The following TMPRSS11A variants were observed in gnomAD, a reference collection of about 807,000 sequenced individuals.
TMPRSS11A encodes the protein transmembrane serine protease 11A, also known as transmembrane protease serine 11A.
TMPRSS11A carries 53 observed loss-of-function variants against 58.9 expected under a neutral mutation model. The ratio of observed to expected loss-of-function variants is 0.90; its 90% CI spans 0.72 to 1.13. TMPRSS11A has a LOEUF of 1.13. Ranked by LOEUF, TMPRSS11A falls within the 50% of genes most tolerant of loss-of-function variation. The pLI is 0.00. For synonymous variants in TMPRSS11A, 167 were observed against 169.8 expected, an observed-to-expected ratio of 0.98 and a Z score of 0.13; for missense variants, 493 against 499.3, an observed-to-expected ratio of 0.99 and a Z score of 0.12.
Position 67,948,453 on chromosome 4 carries a change from CG to C in TMPRSS11A, c.12-1883del, listed in dbSNP as rs1192830411. Among the ~76,000 whole-genome samples the C allele has an allele frequency of 6.6e-5, 10 of 152,196 alleles. No individual in the cohort carries two copies. The East Asian group carries it at 1.9e-3, about 29-fold the overall frequency. ...GATTACAGGCATGAGCCACTGCACC[CG>C]GTCTTACAAAAGTTTTTTATATATA... On this transcript the variant is annotated intron_variant, in intron 1 of 9. Transcript: ENST00000508048.
At chr4:67,919,984 T>C (rs372758389) in intron 7 of TMPRSS11A, among the ~76,000 whole-genome samples, 6 of 152,224 alleles carry the variant, frequency 3.9e-5, no homozygotes, top group African/African-American at 1.2e-4. Flanking sequence ...GAGAATAATG[T>C]AGTCTCATTT....
At position 67,919,061 on chromosome 4, in the gene TMPRSS11A, T is replaced by A; in HGVS notation, c.864A>T (p.Ile288=). Residue 288 remains isoleucine, a synonymous_variant, in exon 8 of 10, where the codon ATA becomes ATT. Transcript: ENST00000508048. ...VSSRVTFSDD[I]RQICLPEASA... ...AGGCTTCTGGCAAACAAATCTGGCG[T>A]ATGTCATCCGAAAAGGTGACTCTGG... 1 of 1,614,184 alleles carries A rather than the reference T, an allele frequency of 6.2e-7. No homozygotes were observed. The highest frequency in any genetic ancestry group is 8.5e-7 in the Non-Finnish European group (1 of 1,180,022).
chr4:67,915,058 T>C (rs1322281842), intron 8 of TMPRSS11A, among the ~76,000 whole-genome samples: 3 of 152,144 alleles, frequency 2.0e-5, no homozygotes, highest in African/African-American at 7.2e-5. Flanking sequence ...GGGTTCCAGA[T>C]TGTTCCCAGA....
chr4:67,959,949 A>T (rs1721384645), intron 1 of TMPRSS11A, among the ~76,000 whole-genome samples: 2 of 152,246 alleles, frequency 1.3e-5, no homozygotes, highest in African/African-American at 4.8e-5. Context: ...TCAGTTTTTT[A>T]AAATGTGTTA....
At chr4:67,922,467 T>C (rs1484122316) in intron 7 of TMPRSS11A, among the ~76,000 whole-genome samples, 1 of 152,240 alleles carries the variant, frequency 6.6e-6, no homozygotes, top group Non-Finnish European at 1.5e-5. Context: ...ATGTTATTAG[T>C]GAATATTTTG....
At chr4:67,911,677 A>G (rs1719985009) in intron 9 of TMPRSS11A, among the ~76,000 whole-genome samples, 174 bp from the exon 10 acceptor site, 1 of 152,190 alleles carries the variant, frequency 6.6e-6, no homozygotes, top group Non-Finnish European at 1.5e-5. Context: ...CTTAAGGTTC[A>G]ACTTTCACAT....
chr4:67,918,334 C>T (rs1434830540), intron 8 of TMPRSS11A, among the ~76,000 whole-genome samples: 1 of 152,150 alleles, frequency 6.6e-6, no homozygotes, highest in African/African-American at 2.4e-5. Context: ...GTTAGTATAT[C>T]AAGTTGAATA....
intron 3 of TMPRSS11A, among the ~76,000 whole-genome samples, chr4:67,933,123 A>G (rs1272234831): frequency 1.3e-5 from 2 of 152,106 alleles, no homozygotes; most frequent in African/African-American, 4.8e-5. Flanking sequence ...ACACACACAC[A>G]CACACAAATA....
At chr4:67,924,258 T>C (rs563617746) in intron 5 of TMPRSS11A, 92 bp from the exon 6 acceptor site, 4 of 1,041,304 alleles carry the variant, frequency 3.8e-6, no homozygotes, top group Admixed American at 1.7e-5. Context: ...TGACCATATA[T>C]GGATTCTAGA....
At chr4:67,915,208 C>CAT (rs1368902858) in intron 8 of TMPRSS11A, among the ~76,000 whole-genome samples, 6 of 151,646 alleles carry the variant, frequency 4.0e-5, no homozygotes, top group Non-Finnish European at 7.4e-5. Context: ...TATTATACAT[C>CAT]ATATATATAT....
chr4:67,960,265 C>A (rs1210965129), intron 1 of TMPRSS11A, among the ~76,000 whole-genome samples: 2 of 151,982 alleles, frequency 1.3e-5, no homozygotes, highest in African/African-American at 4.8e-5. Context: ...GCAGATGTAT[C>A]CACTATAGCG....
At chr4:67,931,403 T>C (rs1037707413) in intron 4 of TMPRSS11A, among the ~76,000 whole-genome samples, 1 of 152,224 alleles carries the variant, frequency 6.6e-6, no homozygotes, top group African/African-American at 2.4e-5. Context: ...GTATATGACA[T>C]GCGTGTTCTG....
rs192941339 is a variant in TMPRSS11A, at chr4:67,941,480, T to G, written c.252+3039A>C. Among the ~76,000 whole-genome samples the G allele has an allele frequency of 2.3e-3, 351 of 152,358 alleles. 4 individuals are homozygous for G. The highest frequency in any genetic ancestry group is 8.1e-3 in the African/African-American group (337 of 41,574). ...TGTCCTCAACATGTAATTTAGCCCT[T>G]AATTATATCATGTCATGATATTCAA... On this transcript the variant is annotated intron_variant, in intron 3 of 9. Coordinates refer to ENST00000508048, the MANE Select transcript of TMPRSS11A (RefSeq NM_001114387.2).
At chr4:67,935,496 T>A (rs1349968839) in intron 3 of TMPRSS11A, among the ~76,000 whole-genome samples, 1 of 152,192 alleles carries the variant, frequency 6.6e-6, no homozygotes, top group African/African-American at 2.4e-5. Flanking sequence ...CTTTTATTCT[T>A]TAATGTAAAC....
At chr4:67,926,795 G>T (rs116607163) in intron 5 of TMPRSS11A, among the ~76,000 whole-genome samples, 1 of 152,174 alleles carries the variant, frequency 6.6e-6, no homozygotes, top group Non-Finnish European at 1.5e-5. Context: ...GGTCAGGCAC[G>T]GAGGGGTGGG....
chr4:67,961,286 G>A lies in TMPRSS11A; in HGVS notation c.11+2097C>T, dbSNP rs563608516. On this transcript the variant is annotated intron_variant, in intron 1 of 9. Coordinates refer to ENST00000508048, the MANE Select transcript of TMPRSS11A (RefSeq NM_001114387.2). ...GACTGTGGGTGAGACATAGGGTATT[G>A]TAGTAATTATTAACCATCTGCTTTG... Among the ~76,000 whole-genome samples the A allele has an allele frequency of 4.6e-5, 7 of 152,214 alleles. No homozygotes were observed. The South Asian group carries it at 1.5e-3, about 32-fold the overall frequency.
intron 1 of TMPRSS11A, 117 bp downstream of exon 1, chr4:67,963,266 C>T: frequency 1.1e-6 from 1 of 895,068 alleles, no homozygotes; most frequent in East Asian, 2.7e-5. Flanking sequence ...TAAAAAAATC[C>T]AGTGCAGATT....
intron 3 of TMPRSS11A, among the ~76,000 whole-genome samples, chr4:67,936,269 A>G: frequency 6.6e-6 from 1 of 151,884 alleles, no homozygotes; most frequent in East Asian, 1.9e-4. Flanking sequence ...AATAAGAATC[A>G]TAATCTTGGT....
At chr4:67,948,997 CTATT>C (rs1195565993) in intron 1 of TMPRSS11A, among the ~76,000 whole-genome samples, 3 of 151,904 alleles carry the variant, frequency 2.0e-5, no homozygotes, top group African/African-American at 4.8e-5. Flanking sequence ...ATGTATTAAT[CTATT>C]CATTCACTCA....
Sources: gnomAD v4.1 joint callset for allele counts (sites outside exome capture counted in the v4.1 genomes callset) on GRCh38, gnomAD v4.1.1 for gene constraint, MANE v1.5 for transcripts, NCBI Gene and HGNC (gene_info 2026-07-23, HGNC 2026-07-21) for gene names.